USP39: variants seen among roughly 807,000 people sequenced by gnomAD.
USP39 encodes the protein ubiquitin specific peptidase 39, also known as ubiquitin carboxyl-terminal hydrolase 39.
USP39 carries 38 observed loss-of-function variants against 66.4 expected under a neutral mutation model. The observed-to-expected ratio is 0.57, with a 90% CI of 0.44 to 0.75. The LOEUF (loss-of-function observed/expected upper bound fraction) is 0.75. USP39 is among the 30% of genes least tolerant of loss of function. The pLI is 0.00. For missense variants in USP39, 608 were observed against 714.4 expected, an observed-to-expected ratio of 0.85 and a Z score of 1.70; for synonymous variants, 303 against 274.6, an observed-to-expected ratio of 1.10 and a Z score of -1.02.
chr2:85,629,058 G>GT (rs1675104092), intron 5 of USP39, among the ~76,000 whole-genome samples: 1 of 152,046 alleles, frequency 6.6e-6, no homozygotes. Context: ...CTTCCTCCCA[G>GT]TTTCGTTTTG....
chr2:85,640,693 G>C (rs954478781), intron 9 of USP39, among the ~76,000 whole-genome samples: 2 of 145,372 alleles, frequency 1.4e-5, no homozygotes, highest in African/African-American at 5.1e-5. Flanking sequence ...GGCTGGTCTC[G>C]AACTCCTGTG....
upstream of USP39, among the ~76,000 whole-genome samples, chr2:85,613,822 G>A (rs1673734857): frequency 6.6e-6 from 1 of 151,914 alleles, no homozygotes; most frequent in African/African-American, 2.4e-5. Flanking sequence ...CTGTCGCATA[G>A]GTTGGATTGT....
At chr2:85,622,309 G>C (rs1028630004) in intron 3 of USP39, among the ~76,000 whole-genome samples, 1 of 151,114 alleles carries the variant, frequency 6.6e-6, no homozygotes, top group African/African-American at 2.4e-5. Flanking sequence ...TTTTAGTAGA[G>C]AGGGGGTTTC....
In USP39 at chr2:85,648,848, A is replaced by AT; in HGVS notation, c.*41dup. 2 of 1,611,112 alleles carry AT rather than the reference A, an allele frequency of 1.2e-6. No homozygotes were observed. The highest frequency in any genetic ancestry group is 1.7e-6 in the Non-Finnish European group (2 of 1,178,322). On this transcript the variant is annotated 3_prime_UTR_variant, in exon 13 of 13. Coordinates refer to ENST00000323701, the MANE Select transcript of USP39 (RefSeq NM_006590.4). ...GCTTTGCTCCCAAGGGCTGTGGCTG[A>AT]TGATGGTAAATAAGAACACAGAAGC...
Position 85,637,697 on chromosome 2 carries a change from C to G in USP39, c.1095+261C>G, listed in dbSNP as rs79472420. Reference sequence around the variant, plus strand: ...TGCTGTGTTTTTTCAGAAAGCTCAGCTAAGCTTTCTTTTTGTTTTTCTTAG... The same window carrying G: ...TGCTGTGTTTTTTCAGAAAGCTCAGGTAAGCTTTCTTTTTGTTTTTCTTAG... On this transcript the variant is annotated intron_variant, in intron 8 of 12. Transcript: ENST00000323701. Among the ~76,000 whole-genome samples the G allele has an allele frequency of 0.017, 2,534 of 152,220 alleles. 67 individuals carry two copies. Among genetic ancestry groups the G allele is most frequent in the African/African-American group, 0.058 (2,425 of 41,538 alleles).
upstream of USP39, chr2:85,608,610 G>A (rs1446629623): frequency 3.0e-5 from 6 of 201,730 alleles, no homozygotes; most frequent in South Asian, 1.5e-4. Context: ...ATATGACCTC[G>A]GTGAGAAAGC....
chr2:85,603,169 G>C (rs923294522), intron 1 of USP39: 1 of 152,246 alleles, frequency 6.6e-6, no homozygotes, highest in African/African-American at 2.4e-5. Context: ...CAGACACAAA[G>C]ACTTGGCTGT....
upstream of USP39, chr2:85,611,668 C>T (rs759944444): frequency 9.6e-6 from 15 of 1,559,882 alleles, no homozygotes; most frequent in Non-Finnish European, 1.2e-5. Flanking sequence ...GCGGCCTCAC[C>T]TCGGTGTCGC....
chr2:85,630,672 A>C (rs763213577), intron 5 of USP39, 49 bp from the exon 6 acceptor site: 1 of 1,560,608 alleles, frequency 6.4e-7, no homozygotes. Context: ...GCTTGGCTCA[A>C]GGGGTCCTAC....
intron 8 of USP39, among the ~76,000 whole-genome samples, chr2:85,638,287 G>C (rs1356612974): frequency 6.6e-6 from 1 of 152,052 alleles, no homozygotes; most frequent in Non-Finnish European, 1.5e-5. Context: ...CTCCCAAAGT[G>C]CTGGGATTAC....
chr2:85,606,066 T>C (rs187050949), intron 1 of USP39, among the ~76,000 whole-genome samples: 111 of 152,358 alleles, frequency 7.3e-4, no homozygotes, highest in African/African-American at 2.5e-3. Context: ...ACATCACCCA[T>C]TGTGGCCGAG....
At chr2:85,619,577 A>G (rs1263148694) in intron 2 of USP39, among the ~76,000 whole-genome samples, 1 of 149,566 alleles carries the variant, frequency 6.7e-6, no homozygotes, top group Non-Finnish European at 1.5e-5. Flanking sequence ...TGTGCTGGAT[A>G]CTATTTTGGG....
chr2:85,619,482 T>C lies in USP39; in HGVS notation c.338+193T>C, dbSNP rs902399356. ...AGAACACATGTTGTTAAAGAGCTTA[T>C]TTTGCATTTGTATGTTGGGATAACA... On this transcript the variant is annotated intron_variant, in intron 2 of 12. Coordinates refer to ENST00000323701, the MANE Select transcript of USP39 (RefSeq NM_006590.4). 4.0e-5 allele frequency among the ~76,000 whole-genome samples: 6 copies of C among 151,576 alleles called. 1 individual carries two copies. In the East Asian group the frequency reaches 1.2e-3, roughly 29 times the overall value.
rs568432468 is a variant in USP39 at position 85,631,936 on chromosome 2, A to G, written c.949+990A>G. On this transcript the variant is annotated intron_variant, in intron 6 of 12. Coordinates refer to ENST00000323701, the MANE Select transcript of USP39 (RefSeq NM_006590.4). ...GCTAATTTTTGTATTTTTAGTAGAG[A>G]GGGGGTTTCACCATGTTGGCCAGGT... Among the ~76,000 whole-genome samples, 12 of 109,312 alleles carry G rather than the reference A, an allele frequency of 1.1e-4. No individual in the cohort carries two copies. In the East Asian group the frequency reaches 1.2e-3, roughly 11 times the overall value. 71.7% of individuals were successfully genotyped at this position (109,312 alleles called of 152,430 possible).
upstream of USP39, chr2:85,611,923 A>C (rs760315190): frequency 2.5e-6 from 4 of 1,589,206 alleles, no homozygotes; most frequent in Non-Finnish European, 3.4e-6. Context: ...GCCGTGGTTC[A>C]TGTCCAGCCG....
upstream of USP39, chr2:85,608,850 A>C (rs372058948): frequency 1.6e-3 from 2,480 of 1,545,842 alleles, 3 homozygotes; most frequent in Middle Eastern, 2.1e-3. Flanking sequence ...TCTCAAGATC[A>C]GACAAACTGG....
At chr2:85,618,690 T>C (rs1674202547) in intron 1 of USP39, among the ~76,000 whole-genome samples, 1 of 152,144 alleles carries the variant, frequency 6.6e-6, no homozygotes, top group East Asian at 1.9e-4. Flanking sequence ...TTATGTAAAA[T>C]GCAAACAAAT....
At position 85,648,074 on chromosome 2, in the gene USP39, G is replaced by A. The variant is rs1205987407; in HGVS notation, c.1650+58G>A. On this transcript the variant is annotated intron_variant, in intron 12 of 12. Transcript: ENST00000323701. ...TAGGTGGCGTATGGGGCCAGTGAGA[G>A]GAGTGGGCCAAGGCAGGAAGAGGGA... The A allele has an allele frequency of 1.6e-5, 25 of 1,576,184 alleles. No homozygotes were observed. The Admixed American group carries it at 4.2e-4, about 26-fold the overall frequency.
rs142140553 is a variant in USP39 at position 85,640,868 on chromosome 2, GT to G, written c.1285-107del. 4.0e-3 allele frequency: 3,675 copies of G among 918,946 alleles called. 84 individuals carry two copies. In the African/African-American group the frequency reaches 0.058, roughly 14 times the overall value. The allele number at this position is 918,946 out of a possible 1,614,324, so 56.9% of individuals were successfully genotyped here. A position where few individuals can be genotyped will look rare whatever the true frequency, so the allele number is the denominator to read the frequency against. ...CGGACCAGGAGTCTTGTGAACTTAA[GT>G]GTGAGGCAAAATTATATTTTAAAAA... is the stretch of plus-strand genomic sequence containing the variant. On this transcript the variant is annotated intron_variant, in intron 9 of 12. Coordinates refer to ENST00000323701, the MANE Select transcript of USP39 (RefSeq NM_006590.4).
Sources: gnomAD v4.1 joint callset for allele counts (sites outside exome capture counted in the v4.1 genomes callset) on GRCh38, gnomAD v4.1.1 for gene constraint, MANE v1.5 for transcripts, NCBI Gene and HGNC (gene_info 2026-07-23, HGNC 2026-07-21) for gene names.